Variants in RIT2 observed in about 807,000 individuals in gnomAD.
RIT2 encodes Ras like without CAAX 2.
A neutral mutation model predicts 23.7 loss-of-function variants in RIT2; 24 were observed. The ratio of observed to expected loss-of-function variants is 1.01; its 90% confidence interval spans 0.73 to 1.43. RIT2 has a LOEUF of 1.43. Among genes scored for constraint, RIT2 ranks in the 40% most tolerant of loss-of-function variants. RIT2 has a pLI of 0.00. For missense variants in RIT2, 236 were observed against 266.9 expected, an observed-to-expected ratio of 0.88 and a Z score of 0.81; for synonymous variants, 107 against 91.1, an observed-to-expected ratio of 1.17 and a Z score of -0.99.
intron 4 of RIT2, among the ~76,000 whole-genome samples, chr18:42,843,264 A>G (rs549298355): frequency 7.2e-5 from 11 of 152,294 alleles, no homozygotes; most frequent in African/African-American, 2.6e-4. Flanking sequence ...AAAATTCCAT[A>G]TATTAATGAG....
chr18:42,881,604 G>A (rs73951770), intron 4 of RIT2, among the ~76,000 whole-genome samples: 1 of 152,026 alleles, frequency 6.6e-6, no homozygotes, highest in African/African-American at 2.4e-5. Flanking sequence ...TCTTGAAATT[G>A]TTCATGCTTT....
At chr18:42,824,252 A>G (rs16976979) in intron 4 of RIT2, among the ~76,000 whole-genome samples, 21,966 of 152,036 alleles carry the variant, frequency 0.14, 1,657 homozygotes, top group Middle Eastern at 0.26. Flanking sequence ...AAATTCTCTT[A>G]GTTTAATTTC....
intron 1 of RIT2, among the ~76,000 whole-genome samples, chr18:43,055,942 C>A (rs758407788): frequency 1.3e-5 from 2 of 152,030 alleles, no homozygotes; most frequent in African/African-American, 2.4e-5. Flanking sequence ...TTAGCAATAG[C>A]AACCTAAAAA....
At chr18:43,003,268 T>C (rs1435496687) in intron 2 of RIT2, among the ~76,000 whole-genome samples, 1 of 151,976 alleles carries the variant, frequency 6.6e-6, no homozygotes, top group Non-Finnish European at 1.5e-5. Flanking sequence ...TTTTTCTGCA[T>C]TCAGGAAACA....
At chr18:43,066,152 T>C (rs1220266356) in intron 1 of RIT2, among the ~76,000 whole-genome samples, 1 of 152,182 alleles carries the variant, frequency 6.6e-6, no homozygotes, top group African/African-American at 2.4e-5. Context: ...AAAGTTGAGT[T>C]CTATCTATTT....
At chr18:42,756,088 A>C (rs1184610985) in intron 4 of RIT2, among the ~76,000 whole-genome samples, 1 of 152,202 alleles carries the variant, frequency 6.6e-6, no homozygotes, top group African/African-American at 2.4e-5. Flanking sequence ...GGTTTAGACC[A>C]GAGCACAAGG....
chr18:43,068,056 A>G (rs1419962209), intron 1 of RIT2, among the ~76,000 whole-genome samples: 1 of 152,204 alleles, frequency 6.6e-6, no homozygotes, highest in Non-Finnish European at 1.5e-5. Flanking sequence ...TACAAACTTG[A>G]AATTTGGGTA....
intron 2 of RIT2, among the ~76,000 whole-genome samples, chr18:43,031,566 A>G (rs1009977547): frequency 2.0e-5 from 3 of 152,048 alleles, no homozygotes; most frequent in Non-Finnish European, 4.4e-5. Flanking sequence ...GTTGCCAATA[A>G]ATAAGGGGAA....
chr18:42,759,037 G>A (rs926526853), intron 4 of RIT2, among the ~76,000 whole-genome samples: 13 of 152,094 alleles, frequency 8.5e-5, no homozygotes, highest in South Asian at 2.1e-4. Context: ...GTCAGCCTTC[G>A]TAGTAGCATG....
At chr18:43,108,951 G>C (rs1481285177) in intron 1 of RIT2, among the ~76,000 whole-genome samples, 1 of 152,200 alleles carries the variant, frequency 6.6e-6, no homozygotes, top group African/African-American at 2.4e-5. Flanking sequence ...TGTGACAATT[G>C]TTGAGCTTTG....
intron 1 of RIT2, among the ~76,000 whole-genome samples, chr18:43,048,334 A>G (rs1912296759): frequency 6.6e-6 from 1 of 152,206 alleles, no homozygotes; most frequent in Admixed American, 6.5e-5. Context: ...AAATAAATGC[A>G]TCAAATATTT....
intron 4 of RIT2, among the ~76,000 whole-genome samples, chr18:42,817,921 A>T (rs951049142): frequency 1.3e-5 from 2 of 152,066 alleles, no homozygotes; most frequent in Non-Finnish European, 2.9e-5. Context: ...TGGTTATTAT[A>T]GAAAAATTAT....
chr18:42,802,474 A>G (rs1905566682), intron 4 of RIT2, among the ~76,000 whole-genome samples: 1 of 152,196 alleles, frequency 6.6e-6, no homozygotes, highest in Non-Finnish European at 1.5e-5. Flanking sequence ...TTTTACGGAA[A>G]ATACTTATGG....
chr18:42,750,781 T>C (rs1406160638), intron 4 of RIT2, among the ~76,000 whole-genome samples: 1 of 151,876 alleles, frequency 6.6e-6, no homozygotes, highest in Admixed American at 6.6e-5. Flanking sequence ...ATCATAAAGA[T>C]AATAAATCAT....
At chr18:42,998,918 T>C (rs1459802333) in intron 2 of RIT2, among the ~76,000 whole-genome samples, 1 of 152,090 alleles carries the variant, frequency 6.6e-6, no homozygotes, top group Non-Finnish European at 1.5e-5. Flanking sequence ...TGTCAGATGA[T>C]TGCGAACCAG....
chr18:42,962,645 G>A (rs146299494), intron 3 of RIT2, among the ~76,000 whole-genome samples: 370 of 152,236 alleles, frequency 2.4e-3, no homozygotes, highest in African/African-American at 8.4e-3. Flanking sequence ...TAGGAGCCTG[G>A]CAGGAAAAAT....
intron 3 of RIT2, among the ~76,000 whole-genome samples, chr18:42,947,902 A>T (rs74588063): frequency 0.044 from 6,690 of 152,208 alleles, 194 homozygotes; most frequent in Middle Eastern, 0.054. Context: ...TTACTTTAAG[A>T]TATATTTTAT....
intron 4 of RIT2, among the ~76,000 whole-genome samples, chr18:42,902,698 A>G (rs1034482031): frequency 2.6e-5 from 4 of 151,770 alleles, no homozygotes; most frequent in East Asian, 3.9e-4. Context: ...TGTTTGTGGA[A>G]AACTGGGGGT....
In RIT2 at chr18:43,115,594, C is replaced by T; in HGVS notation, c.-75G>A. 3 of 1,535,670 alleles carry T rather than the reference C, an allele frequency of 2.0e-6. No individual in the cohort carries two copies. The highest frequency in any genetic ancestry group is 1.7e-6 in the Non-Finnish European group (2 of 1,149,524). The stretch of plus-strand genomic sequence containing the variant: ...AGGTGCTTGCTCGAATATTAAGCAA[C>T]TCTAAAACTGTGTCAAAGCAAAGGT... On this transcript the variant is annotated 5_prime_UTR_variant, in exon 1 of 5. Coordinates refer to ENST00000326695, the MANE Select transcript of RIT2 (RefSeq NM_002930.4).
Sources: gnomAD v4.1 joint callset for allele counts (sites outside exome capture counted in the v4.1 genomes callset) on GRCh38, gnomAD v4.1.1 for gene constraint, MANE v1.5 for transcripts, NCBI Gene and HGNC (gene_info 2026-07-23, HGNC 2026-07-21) for gene names.